Variants in MARCHF1 observed in about 807,000 individuals in gnomAD.
MARCHF1 encodes membrane associated ring-CH-type finger 1, also known as E3 ubiquitin-protein ligase MARCHF1.
Under a neutral mutation model 54.2 loss-of-function variants are expected in MARCHF1, and 40 were observed. That is an observed-to-expected ratio of 0.74 (90% confidence interval 0.57 to 0.96). The LOEUF (loss-of-function observed/expected upper bound fraction) is 0.96. MARCHF1 is among the 40% of genes least tolerant of loss of function. The pLI is 0.00. For synonymous variants in MARCHF1, 236 were observed against 236.3 expected (o/e 1.00, Z 0.01); for missense variants, 586 against 656.5 (o/e 0.89, Z 1.17).
At chr4:163,695,459 G>A (rs182321727) in intron 5 of MARCHF1, among the ~76,000 whole-genome samples, 17 of 152,188 alleles carry the variant, frequency 1.1e-4, no homozygotes, top group Non-Finnish European at 2.1e-4. Context: ...TAACTGGTGT[G>A]CACATTTTAT....
At chr4:164,214,473 AC>A (rs1039808756) in intron 1 of MARCHF1, among the ~76,000 whole-genome samples, 67 of 152,174 alleles carry the variant, frequency 4.4e-4, no homozygotes, top group African/African-American at 1.5e-3. Context: ...CTAAAAAAAA[AC>A]CCTCCACTTT....
intron 2 of MARCHF1, among the ~76,000 whole-genome samples, chr4:163,989,286 T>TGAGAGA (rs35987221): frequency 3.5e-5 from 5 of 144,818 alleles, no homozygotes; most frequent in Admixed American, 6.8e-5. Flanking sequence ...AATGAGGTGT[T>TGAGAGA]GAGAGAGAGA....
At chr4:164,008,126 A>G (rs1168540981) in intron 2 of MARCHF1, among the ~76,000 whole-genome samples, 1 of 152,172 alleles carries the variant, frequency 6.6e-6, no homozygotes, top group Admixed American at 6.5e-5. Context: ...GGCTGAAATT[A>G]AAGGAGTAAT....
chr4:164,095,106 A>G (rs1487519445), intron 2 of MARCHF1, among the ~76,000 whole-genome samples: 2 of 152,040 alleles, frequency 1.3e-5, no homozygotes, highest in East Asian at 3.9e-4. Context: ...CACAAATAAT[A>G]CCTACAGTTG....
rs562301729 is a variant in MARCHF1, at chr4:164,376,325, T to A, written c.-323+7545A>T. 5.3e-5 allele frequency among the ~76,000 whole-genome samples: 8 copies of A among 152,370 alleles called. No homozygotes were observed. In the East Asian group the frequency reaches 1.5e-3, roughly 29 times the overall value. ...TATCTCTGAAAATACATGTTTTATC[T>A]TCTTTCTTTTTTTCTCTCATTGTAA... On this transcript the variant is annotated intron_variant, in intron 1 of 9. Coordinates refer to ENST00000514618, the MANE Select transcript of MARCHF1 (RefSeq NM_001394959.1).
At chr4:163,977,415 C>A (rs1752670129) in intron 3 of MARCHF1, among the ~76,000 whole-genome samples, 1 of 152,160 alleles carries the variant, frequency 6.6e-6, no homozygotes, top group Non-Finnish European at 1.5e-5. Flanking sequence ...GGGACAGTGA[C>A]TGTTTCCTCT....
chr4:163,733,179 A>ATG (rs1745899410), intron 4 of MARCHF1, among the ~76,000 whole-genome samples: 1 of 20,062 alleles, frequency 5.0e-5, no homozygotes, highest in African/African-American at 1.9e-4. Flanking sequence ...GTATGTGTGT[A>ATG]TATATATATA....
At chr4:163,826,394 T>C (rs1748848226) in intron 4 of MARCHF1, among the ~76,000 whole-genome samples, 1 of 152,056 alleles carries the variant, frequency 6.6e-6, no homozygotes, top group African/African-American at 2.4e-5. Context: ...AAACCAAAAA[T>C]AATTATATTT....
At chr4:164,097,129 A>G (rs1471145666) in intron 2 of MARCHF1, among the ~76,000 whole-genome samples, 2 of 152,190 alleles carry the variant, frequency 1.3e-5, no homozygotes, top group Non-Finnish European at 2.9e-5. Context: ...TTTAGTATGT[A>G]ATGCAAGTCT....
chr4:164,199,681 CAGAGAGAGAGAGAG>C (rs70952609), intron 1 of MARCHF1, among the ~76,000 whole-genome samples: 67 of 47,652 alleles, frequency 1.4e-3, no homozygotes, highest in African/African-American at 5.6e-3. Flanking sequence ...CACACACACA[CAGAGAGAGAGAGAG>C]AGAGAGAGAG....
intron 1 of MARCHF1, among the ~76,000 whole-genome samples, chr4:164,236,611 C>T (rs960034391): frequency 6.6e-6 from 1 of 152,098 alleles, no homozygotes; most frequent in Admixed American, 6.6e-5. Context: ...TTAACCTAAG[C>T]TGGGAACATG....
chr4:164,302,828 C>T (rs1026795917), intron 1 of MARCHF1, among the ~76,000 whole-genome samples: 1 of 140,876 alleles, frequency 7.1e-6, no homozygotes. Context: ...GAGATCATGT[C>T]ACTGCACTCC....
chr4:163,559,973 T>C (rs961319460), intron 8 of MARCHF1, among the ~76,000 whole-genome samples: 5 of 152,208 alleles, frequency 3.3e-5, no homozygotes, highest in African/African-American at 9.7e-5. Flanking sequence ...TTATGTGGAA[T>C]ATAAGTTCTT....
chr4:163,708,744 T>C (rs191796536), intron 4 of MARCHF1, among the ~76,000 whole-genome samples: 90 of 152,112 alleles, frequency 5.9e-4, no homozygotes, highest in Middle Eastern at 3.4e-3. Context: ...ATGCAAAAAC[T>C]ATATTAACAT....
chr4:164,090,631 C>T (rs1439892574), intron 2 of MARCHF1, among the ~76,000 whole-genome samples: 1 of 151,780 alleles, frequency 6.6e-6, no homozygotes, highest in Non-Finnish European at 1.5e-5. Flanking sequence ...CACATTATAA[C>T]AAACAAAGTA....
At chr4:164,296,548 T>G (rs1339863605) in intron 1 of MARCHF1, among the ~76,000 whole-genome samples, 1 of 152,098 alleles carries the variant, frequency 6.6e-6, no homozygotes, top group African/African-American at 2.4e-5. Context: ...TTTTATATTT[T>G]TAGTAGAGAC....
chr4:164,349,614 G>A (rs545769784), intron 1 of MARCHF1, among the ~76,000 whole-genome samples: 1 of 152,254 alleles, frequency 6.6e-6, no homozygotes, highest in Admixed American at 6.5e-5. Flanking sequence ...ATTTTAGAGA[G>A]TAAAAGTTTT....
Position 163,585,824 on chromosome 4 carries a change from C to T in MARCHF1, c.1116G>A (p.Lys372=). The T allele has an allele frequency of 6.2e-7, 1 of 1,614,074 alleles. No individual in the cohort carries two copies. The change falls in exon 8 of 10, where the codon AAG becomes AAA. Residue 372 remains lysine, a synonymous_variant. Coordinates refer to ENST00000514618, the MANE Select transcript of MARCHF1 (RefSeq NM_001394959.1). Reference sequence around the variant, plus strand: ...GCTCACAGCAGCGTGTATCTGAGCTCTTTATCCACTGGTGGAGGCAGGACT... The same window carrying T: ...GCTCACAGCAGCGTGTATCTGAGCTTTTTATCCACTGGTGGAGGCAGGACT... ...VHQSCLHQWI[K]SSDTRCCELC... is the part of the protein sequence containing the mutation.
At chr4:163,815,488 G>A (rs1439350964) in intron 4 of MARCHF1, among the ~76,000 whole-genome samples, 1 of 152,080 alleles carries the variant, frequency 6.6e-6, no homozygotes, top group African/African-American at 2.4e-5. Flanking sequence ...AGTTTTATCG[G>A]TGCTACTGAT....
Sources: gnomAD v4.1 joint callset for allele counts (sites outside exome capture counted in the v4.1 genomes callset) on GRCh38, gnomAD v4.1.1 for gene constraint, MANE v1.5 for transcripts, NCBI Gene and HGNC (gene_info 2026-07-23, HGNC 2026-07-21) for gene names.